The following GPRIN1 variants were observed in gnomAD, a reference collection of about 807,000 sequenced individuals.
GPRIN1 encodes G protein regulated inducer of neurite outgrowth 1.
A neutral mutation model predicts 2.8 loss-of-function variants in GPRIN1; 4 were observed. The ratio of observed to expected loss-of-function variants is 1.45; its 90% CI spans 0.71 to 3.32. The LOEUF is 3.32. Ranked by LOEUF, GPRIN1 falls within the 30% of genes most tolerant of loss-of-function variation. The pLI is 0.01. For missense variants in GPRIN1, 1,322 were observed against 1,343.4 expected (o/e 0.98, Z 0.25); for synonymous variants, 589 against 589.9 (o/e 1.00, Z 0.02).
At position 176,596,846 on chromosome 5, in the gene GPRIN1, G is replaced by C; in HGVS notation, c.2989C>G (p.Pro997Ala). Residue 997 changes from proline (P) to alanine (A), a missense_variant, in exon 2 of 2, where the codon CCG (proline) becomes GCG (alanine). By Grantham distance (27) the Pro-to-Ala change is conservative. Coordinates refer to ENST00000303991, the MANE Select transcript of GPRIN1 (RefSeq NM_052899.3). This position sits in a 1 kb window ranked among gnomAD's most constrained non-coding sequence, Gnocchi z 5.2. ...GGTCCCGCCCGCGAGCAGCACCGCG[G>C]CCGGCGCACACTCTGCAGCAGCGCG... ...FRALLQSVRR[P>A]RCCSRAGPTA... 1.4e-6 allele frequency: 2 copies of C among 1,408,062 alleles called. No individual in the cohort carries two copies. Among genetic ancestry groups the C allele is most frequent in the Non-Finnish European group, 1.9e-6 (2 of 1,077,670 alleles). 87.2% of individuals were successfully genotyped at this position (1,408,062 alleles called of 1,614,324 possible). A position where few individuals can be genotyped will look rare whatever the true frequency, so the allele number is the denominator to read the frequency against.
chr5:176,598,548 T>C lies in GPRIN1; in HGVS notation c.1287A>G (p.Ser429=). The C allele has an allele frequency of 6.2e-7, 1 of 1,614,166 alleles. No individual in the cohort carries two copies. The highest frequency in any genetic ancestry group is 8.5e-7 in the Non-Finnish European group (1 of 1,180,036). ...VSLGKMDPMC[S]GKPELLSPGQ... Reference sequence around the variant, plus strand: ...CAGGAGACAAGAGCTCTGGCTTTCCTGAGCACATGGGGTCCATCTTTCCCA... The same window carrying C: ...CAGGAGACAAGAGCTCTGGCTTTCCCGAGCACATGGGGTCCATCTTTCCCA... Residue 429 remains serine (S), a synonymous_variant, in exon 2 of 2, where the codon TCA becomes TCG. Transcript: ENST00000303991.
In GPRIN1 at chr5:176,599,830, T is replaced by TC. The variant is rs1212288701; in HGVS notation, c.4dup (p.Asp2GlyfsTer4). The TC allele has an allele frequency of 6.8e-7, 1 of 1,479,754 alleles. No individual in the cohort carries two copies. Among genetic ancestry groups the TC allele is most frequent in the Admixed American group, 2.4e-5 (1 of 41,992 alleles). 91.7% of individuals were successfully genotyped at this position (1,479,754 alleles called of 1,614,324 possible). A position where few individuals can be genotyped will look rare whatever the true frequency, so the allele number is the denominator to read the frequency against. On this transcript the variant is annotated frameshift_variant, in exon 2 of 2. Transcript: ENST00000303991. LOFTEE classifies it low-confidence loss of function (END_TRUNC). ...GAGCCAGGCCGGGTCTTCAGCAGTG[T>TC]CCATCTGCCCTCATGACCACGCCTG... is the stretch of plus-strand genomic sequence containing the variant.
In GPRIN1 at chr5:176,596,784, T is replaced by C. The variant is rs372334299; in HGVS notation, c.*24A>G. 7.1e-7 allele frequency: 1 copy of C among 1,411,974 alleles called. No individual in the cohort carries two copies. Among genetic ancestry groups the C allele is most frequent in the Non-Finnish European group, 9.2e-7 (1 of 1,083,650 alleles). The allele number at this position is 1,411,974 out of a possible 1,614,324, so 87.5% of individuals were successfully genotyped here. A position where few individuals can be genotyped will look rare whatever the true frequency, so the allele number is the denominator to read the frequency against. On this transcript the variant is annotated 3_prime_UTR_variant, in exon 2 of 2. Coordinates refer to ENST00000303991, the MANE Select transcript of GPRIN1 (RefSeq NM_052899.3). The surrounding 1 kb of genome is among the most constrained non-coding windows in gnomAD (Gnocchi z 5.2). ...AAGGGAGCCTGAGAAGGTCGGAAAC[T>C]CGGGCGTACAAAATGGGGGCAGATC... is the stretch of plus-strand genomic sequence containing the variant.
intron 1 of GPRIN1, among the ~76,000 whole-genome samples, chr5:176,607,295 C>T (rs147125437): frequency 6.5e-4 from 99 of 152,272 alleles, no homozygotes; most frequent in African/African-American, 2.3e-3. Context: ...ATTCTCTCCC[C>T]GCAACTACCC....
chr5:176,600,031 C>T (rs1433338996), intron 1 of GPRIN1, among the ~76,000 whole-genome samples, 154 bp from the exon 2 acceptor site: 1 of 152,242 alleles, frequency 6.6e-6, no homozygotes, highest in Non-Finnish European at 1.5e-5. Flanking sequence ...ATGTCACTCC[C>T]CTGCTTCACT....
intron 1 of GPRIN1, among the ~76,000 whole-genome samples, chr5:176,605,525 T>C (rs886128068): frequency 6.6e-5 from 10 of 152,044 alleles, no homozygotes; most frequent in South Asian, 2.1e-4. Flanking sequence ...GAAAGGGCCC[T>C]GGGGCGGAGT....
Position 176,597,509 on chromosome 5 carries a change from T to G in GPRIN1, c.2326A>C (p.Ser776Arg), listed in dbSNP as rs1480632387. 1 of 1,462,038 alleles carries G rather than the reference T, an allele frequency of 6.8e-7. No homozygotes were observed. Among genetic ancestry groups the G allele is most frequent in the African/African-American group, 1.4e-5 (1 of 69,562 alleles). The allele number at this position is 1,462,038 out of a possible 1,614,324, so 90.6% of individuals were successfully genotyped here. A position where few individuals can be genotyped will look rare whatever the true frequency, so the allele number is the denominator to read the frequency against. Reference sequence around the variant, plus strand: ...GGCGCTGCGGCCTCTGGGCAGGGGCTTCTCTCGGCCCCAGCGGCTTCCAGG... The same window carrying G: ...GGCGCTGCGGCCTCTGGGCAGGGGCGTCTCTCGGCCCCAGCGGCTTCCAGG... ...KDLEAAGAER[S>R]PCPEAAAPPP... Residue 776 changes from serine (S) to arginine (R), a missense_variant, in exon 2 of 2, where the codon AGC (serine) becomes CGC (arginine). Physicochemically the swap from Ser to Arg is moderately radical, Grantham distance 110. Coordinates refer to ENST00000303991, the MANE Select transcript of GPRIN1 (RefSeq NM_052899.3). This position sits in a 1 kb window ranked among gnomAD's most constrained non-coding sequence, Gnocchi z 6.1.
Position 176,596,669 on chromosome 5 carries a change from A to G in GPRIN1, c.*139T>C. The G allele has an allele frequency of 3.1e-6, 2 of 638,372 alleles. No homozygotes were observed. The highest frequency in any genetic ancestry group is 4.3e-6 in the Non-Finnish European group (2 of 460,120). The allele number at this position is 638,372 out of a possible 1,614,324, so 39.5% of individuals were successfully genotyped here. On this transcript the variant is annotated 3_prime_UTR_variant, in exon 2 of 2. Transcript: ENST00000303991. This position sits in a 1 kb window ranked among gnomAD's most constrained non-coding sequence, Gnocchi z 5.2. ...GTATTTGTGATGGGAGGGGCTGGAA[A>G]GACGGGGACGCAACAGCCCTAGAGG...
rs1477118471 is a variant in GPRIN1, at chr5:176,599,470, T to G, written c.365A>C (p.Glu122Ala). The change falls in exon 2 of 2, where the codon GAA becomes GCA. Residue 122 changes from glutamate to alanine, a missense_variant. Glu to Ala is a moderately radical substitution (Grantham distance 107). Around this residue, in one of 3 missense-constraint regions of GPRIN1, gnomAD observed 1,117 missense variants for 1,128.6 expected, o/e 0.99. Transcript: ENST00000303991. The stretch of plus-strand genomic sequence containing the variant: ...CTCTGGCTTCCCAGACGTGGTGGCT[T>G]CTGGTGTCCCTGAGATGGAGGCTCC... ...AHGASISGTP[E>A]ATTSGKPEPV... 1 of 1,613,812 alleles carries G rather than the reference T, an allele frequency of 6.2e-7. No homozygotes were observed. The highest frequency in any genetic ancestry group is 1.3e-5 in the African/African-American group (1 of 74,906).
intron 1 of GPRIN1, among the ~76,000 whole-genome samples, chr5:176,608,324 C>A (rs1054746557): frequency 6.6e-6 from 1 of 152,170 alleles, no homozygotes; most frequent in African/African-American, 2.4e-5. Context: ...CAAGAGCTCC[C>A]CTCCCCCTGC....
rs35368228 is a variant in GPRIN1, at chr5:176,607,903, C to CTTTTTTTTT, written c.-44+2087_-44+2095dup. ...AGATCGTGGACACTGACACTTGGCT[C>CTTTTTTTTT]TTTTTTTTTTTTTTTTTTTTTTTTT... On this transcript the variant is annotated intron_variant, in intron 1 of 1. Coordinates refer to ENST00000303991, the MANE Select transcript of GPRIN1 (RefSeq NM_052899.3). 1.5e-4 allele frequency among the ~76,000 whole-genome samples: 10 copies of CTTTTTTTTT among 67,378 alleles called. 1 individual carries two copies. Among genetic ancestry groups the CTTTTTTTTT allele is most frequent in the Non-Finnish European group, 2.1e-4 (8 of 38,280 alleles). The allele number at this position is 67,378 out of a possible 152,430, so 44.2% of individuals were successfully genotyped here.
Position 176,597,940 on chromosome 5 carries a change from G to A in GPRIN1, c.1895C>T (p.Pro632Leu), listed in dbSNP as rs780573190. 29 of 1,613,840 alleles carry A rather than the reference G, an allele frequency of 1.8e-5. No individual in the cohort carries two copies. The highest frequency in any genetic ancestry group is 5.5e-5 in the South Asian group (5 of 91,078). ...TGTTTCTGCTTTGCCACCAGACTGC[G>A]GCTGTGCTTTCCCCGAGGCCCTGGG... ...ADPRASGKAQ[P>L]QSGGKAETKL... The change falls in exon 2 of 2, where the codon CCG becomes CTG. Residue 632 changes from proline to leucine, a missense_variant. By Grantham distance (98) the Pro-to-Leu change is moderately conservative. This residue lies in a region of GPRIN1 where 1,117 missense variants were observed against 1,128.6 expected (regional missense o/e 0.99). Transcript: ENST00000303991. The surrounding 1 kb of genome is among the most constrained non-coding windows in gnomAD (Gnocchi z 6.1).
chr5:176,608,624 G>A (rs568412979), intron 1 of GPRIN1, among the ~76,000 whole-genome samples: 137 of 152,302 alleles, frequency 9.0e-4, no homozygotes, highest in Non-Finnish European at 1.6e-3. Context: ...TTTGTGCCTC[G>A]TGGGGGCTAC....
intron 1 of GPRIN1, among the ~76,000 whole-genome samples, chr5:176,601,659 T>G (rs1759149657): frequency 6.6e-6 from 1 of 152,056 alleles, no homozygotes. Flanking sequence ...GCAACCCCGT[T>G]CCGTTACACA....
intron 1 of GPRIN1, among the ~76,000 whole-genome samples, chr5:176,606,482 C>T (rs1202196498): frequency 1.3e-5 from 2 of 152,286 alleles, no homozygotes; most frequent in East Asian, 3.9e-4. Context: ...GTAAGATTTC[C>T]AGCTTCTCTT....
At chr5:176,605,187 G>A (rs139975860) in intron 1 of GPRIN1, among the ~76,000 whole-genome samples, 1,521 of 149,840 alleles carry the variant, frequency 0.01, 22 homozygotes, top group African/African-American at 0.035. Context: ...TCTGCCTCCC[G>A]GGTTCAAGCA....
chr5:176,597,273 G>A lies in GPRIN1; in HGVS notation c.2562C>T (p.Arg854=), dbSNP rs1260966907. 1.6e-6 allele frequency: 2 copies of A among 1,238,786 alleles called. No homozygotes were observed. Among genetic ancestry groups the A allele is most frequent in the Non-Finnish European group, 2.0e-6 (2 of 993,374 alleles). The allele number at this position is 1,238,786 out of a possible 1,614,324, so 76.7% of individuals were successfully genotyped here. Reference sequence around the variant, plus strand: ...GCGACACCTGCAGGCCCGCATCTCGGCGCGAGGGCGGGCTGGGCGCGCGCG... The same window carrying A: ...GCGACACCTGCAGGCCCGCATCTCGACGCGAGGGCGGGCTGGGCGCGCGCG... The part of the protein sequence containing the change: ...AAPRAPSPPS[R]RDAGLQVSLG... The change falls in exon 2 of 2, where the codon CGC becomes CGT. Residue 854 remains arginine, a synonymous_variant. Transcript: ENST00000303991. This position sits in a 1 kb window ranked among gnomAD's most constrained non-coding sequence, Gnocchi z 6.1.
rs1759046842 is a variant in GPRIN1, at chr5:176,596,946, G to C, written c.2889C>G (p.Ala963=). The C allele has an allele frequency of 2.4e-6, 3 of 1,266,578 alleles. No individual in the cohort carries two copies. Among genetic ancestry groups the C allele is most frequent in the South Asian group, 2.9e-5 (1 of 34,668 alleles). The allele number at this position is 1,266,578 out of a possible 1,614,324, so 78.5% of individuals were successfully genotyped here. A position where few individuals can be genotyped will look rare whatever the true frequency, so the allele number is the denominator to read the frequency against. The part of the protein sequence containing the change: ...GAPAPPPAAR[A]GPGRSGSVRT... ...GCACCGAGCCCGAACGGCCGGGGCC[G>C]GCACGGGCGGCGGGCGGCGGCGCGG... The change falls in exon 2 of 2, where the codon GCC becomes GCG. Residue 963 remains alanine, a synonymous_variant. Coordinates refer to ENST00000303991, the MANE Select transcript of GPRIN1 (RefSeq NM_052899.3). This position sits in a 1 kb window ranked among gnomAD's most constrained non-coding sequence, Gnocchi z 5.2.
chr5:176,598,220 C>G lies in GPRIN1; in HGVS notation c.1615G>C (p.Ala539Pro), dbSNP rs1759085145. 6.2e-7 allele frequency: 1 copy of G among 1,612,558 alleles called. No homozygotes were observed. Among genetic ancestry groups the G allele is most frequent in the African/African-American group, 1.3e-5 (1 of 75,042 alleles). Residue 539 changes from alanine (A) to proline (P), a missense_variant, in exon 2 of 2, where the codon GCC becomes CCC. By Grantham distance (27) the Ala-to-Pro change is conservative. Coordinates refer to ENST00000303991, the MANE Select transcript of GPRIN1 (RefSeq NM_052899.3). ...LVASGKAAPTASGKAEPLAVG... is the reference protein window; with the variant it reads ...LVASGKAAPTPSGKAEPLAVG... ...GCGAGGGGCTCGGCCTTCCCTGAGGCTGTGGGAGCCGCCTTTCCAGAGGCC... is the reference window on the plus strand; with the variant it reads ...GCGAGGGGCTCGGCCTTCCCTGAGGGTGTGGGAGCCGCCTTTCCAGAGGCC...
Sources: allele counts gnomAD v4.1 joint callset (sites outside exome capture counted in the v4.1 genomes callset), GRCh38; gene constraint gnomAD v4.1.1; regional missense constraint gnomAD v4.1.1; non-coding constraint Gnocchi (gnomAD v3.1); transcripts MANE v1.5; gene names NCBI Gene and HGNC (gene_info 2026-07-23, HGNC 2026-07-21).